CREBRF: variants seen among roughly 807,000 people sequenced by gnomAD.
The protein encoded by CREBRF is UPF0474 protein C5orf41.
In CREBRF, 5 loss-of-function variants were observed where a neutral mutation model predicts 66.1. The observed-to-expected ratio is 0.08, with a 90% CI of 0.04 to 0.16. The LOEUF (loss-of-function observed/expected upper bound fraction) is 0.16, where lower values mean the gene tolerates loss of function less well. CREBRF is among the 10% of genes least tolerant of loss of function. The pLI is 1.00. For missense variants in CREBRF, 531 were observed against 744.9 expected (o/e 0.71, Z 3.34); for synonymous variants, 229 against 264.4 (o/e 0.87, Z 1.30).
chr5:173,116,586 T>TGG, intron 7 of CREBRF, among the ~76,000 whole-genome samples: 1 of 152,374 alleles, frequency 6.6e-6, no homozygotes, highest in African/African-American at 2.4e-5. Context: ...TGCTAACTAG[T>TGG]ATTCCATTGT....
intron 6 of CREBRF, among the ~76,000 whole-genome samples, chr5:173,111,760 C>T (rs940861535): frequency 6.6e-6 from 1 of 152,174 alleles, no homozygotes; most frequent in African/African-American, 2.4e-5. Flanking sequence ...TTCCATTTCT[C>T]TTAGATAAAT....
intron 3 of CREBRF, 42 bp downstream of exon 3, chr5:173,086,668 G>T (rs1280367156): frequency 1.3e-6 from 2 of 1,544,996 alleles, no homozygotes; most frequent in Non-Finnish European, 1.7e-6. Context: ...TTGATTTGGG[G>T]TAAAAGTTTG....
At chr5:173,091,804 G>A (rs1276434225) in intron 4 of CREBRF, 3 of 989,516 alleles carry the variant, frequency 3.0e-6, no homozygotes, top group Non-Finnish European at 3.6e-6. Context: ...CCTGTTTAGG[G>A]CCAGGCGCAG....
intron 7 of CREBRF, among the ~76,000 whole-genome samples, chr5:173,113,340 G>A (rs996665719): frequency 2.1e-5 from 3 of 145,762 alleles, no homozygotes; most frequent in Non-Finnish European, 3.0e-5. Flanking sequence ...ACGGAGTCTC[G>A]CCCTGTTGCC....
chr5:173,095,196 T>A (rs1758447544), intron 4 of CREBRF, among the ~76,000 whole-genome samples: 1 of 143,782 alleles, frequency 7.0e-6, no homozygotes, highest in Admixed American at 7.0e-5. Flanking sequence ...TTTTTTTTTT[T>A]TTTTTTTTTT....
chr5:173,112,452 G>A, intron 7 of CREBRF, 73 bp downstream of exon 7: 1 of 1,118,694 alleles, frequency 8.9e-7, no homozygotes, highest in Non-Finnish European at 1.3e-6. Flanking sequence ...TCTTTGGTTT[G>A]TGATTTGCTT....
chr5:173,086,385 G>C, intron 2 of CREBRF, 116 bp from the exon 3 acceptor site: 1 of 927,916 alleles, frequency 1.1e-6, no homozygotes. Flanking sequence ...AAAAAGTATA[G>C]AAATGTTTTC....
intron 8 of CREBRF, 122 bp downstream of exon 8, chr5:173,123,324 C>CATAAAGGAGAGTAAT: frequency 1.2e-6 from 1 of 849,486 alleles, no homozygotes; most frequent in Non-Finnish European, 1.8e-6. Context: ...TGTAATTACT[C>CATAAAGGAGAGTAAT]TCCTTTATGA....
In CREBRF at chr5:173,134,346, C is replaced by T. The variant is rs1438237667; in HGVS notation, c.*601C>T. The stretch of plus-strand genomic sequence containing the variant: ...AGAAAAAAAAAGCATATTCTTTGTG[C>T]CTTGTATTTTGGGGAAACTCTAAAA... On this transcript the variant is annotated 3_prime_UTR_variant, in exon 9 of 9. Coordinates refer to ENST00000296953, the MANE Select transcript of CREBRF (RefSeq NM_153607.3). The T allele has an allele frequency of 2.8e-5, 8 of 284,946 alleles. No individual in the cohort carries two copies. The highest frequency in any genetic ancestry group is 4.9e-5 in the Non-Finnish European group (7 of 141,784). 17.7% of individuals were successfully genotyped at this position (284,946 alleles called of 1,614,324 possible).
chr5:173,123,337 AG>A, intron 8 of CREBRF, 135 bp downstream of exon 8: 1 of 743,852 alleles, frequency 1.3e-6, no homozygotes, highest in Non-Finnish European at 2.1e-6. Flanking sequence ...CTTTATGAGT[AG>A]TTTTATCTTT....
Position 173,139,027 on chromosome 5 carries a change from A to G in CREBRF, c.*5282A>G, listed in dbSNP as rs1293009666. 7 of 152,088 alleles carry G rather than the reference A, an allele frequency of 4.6e-5. No homozygotes were observed. The highest frequency in any genetic ancestry group is 2.1e-4 in the South Asian group (1 of 4,824). 9.4% of individuals were successfully genotyped at this position (152,088 alleles called of 1,614,324 possible). A position where few individuals can be genotyped will look rare whatever the true frequency, so the allele number is the denominator to read the frequency against. ...TTTTTTTTCTCTCCCAACTGGAGCT[A>G]TGACACTTTTTATTGGATTCAGTCT... On this transcript the variant is annotated 3_prime_UTR_variant, in exon 9 of 9. Transcript: ENST00000296953.
chr5:173,127,025 A>C (rs1759290429), intron 8 of CREBRF, among the ~76,000 whole-genome samples: 1 of 152,282 alleles, frequency 6.6e-6, no homozygotes, highest in Admixed American at 6.5e-5. Flanking sequence ...TTCAATGAGC[A>C]GGGTGATTGC....
intron 2 of CREBRF, chr5:173,085,785 C>A: frequency 2.6e-6 from 2 of 776,908 alleles, no homozygotes; most frequent in South Asian, 2.7e-5. Flanking sequence ...GCCTTCAGGT[C>A]ATGGGTCAGC....
At chr5:173,063,214 A>C (rs565200737) in intron 1 of CREBRF, among the ~76,000 whole-genome samples, 30 of 152,204 alleles carry the variant, frequency 2.0e-4, no homozygotes, top group African/African-American at 6.7e-4. Flanking sequence ...CTCCTTCCTA[A>C]ACAGCTTTCT....
chr5:173,122,456 G>A (rs1386296659), intron 7 of CREBRF, among the ~76,000 whole-genome samples: 1 of 150,860 alleles, frequency 6.6e-6, no homozygotes, highest in African/African-American at 2.4e-5. Flanking sequence ...CAGTTTCTTT[G>A]TATAGGAGCT....
intron 1 of CREBRF, among the ~76,000 whole-genome samples, chr5:173,078,793 G>A (rs1233701420): frequency 1.3e-5 from 2 of 152,076 alleles, no homozygotes; most frequent in South Asian, 2.1e-4. Context: ...CCAAAGTGCT[G>A]GGGTTACAGG....
intron 7 of CREBRF, among the ~76,000 whole-genome samples, chr5:173,114,442 A>G (rs1472508385): frequency 6.6e-6 from 1 of 152,218 alleles, no homozygotes; most frequent in Non-Finnish European, 1.5e-5. Flanking sequence ...AGACTTGAGA[A>G]CATAGGCTTA....
chr5:173,108,655 G>A lies in CREBRF; in HGVS notation c.1254G>A (p.Lys418=), dbSNP rs774242116. ...GYENDSVEDL[K]EVTSISSRKR... is the part of the protein sequence containing the mutation. ...AAAATGATTCTGTAGAAGACCTGAAGGAGGTGACTTCAATATCTTCACGGA... is the reference window on the plus strand; with the variant it reads ...AAAATGATTCTGTAGAAGACCTGAAAGAGGTGACTTCAATATCTTCACGGA... The change falls in exon 5 of 9, where the codon AAG becomes AAA. Residue 418 remains lysine (K), a synonymous_variant. Coordinates refer to ENST00000296953, the MANE Select transcript of CREBRF (RefSeq NM_153607.3). The A allele has an allele frequency of 1.2e-5, 20 of 1,612,848 alleles. No individual in the cohort carries two copies. The South Asian group carries it at 2.2e-4, about 18-fold the overall frequency.
At chr5:173,119,017 C>T (rs1247139747) in intron 7 of CREBRF, among the ~76,000 whole-genome samples, 1 of 152,156 alleles carries the variant, frequency 6.6e-6, no homozygotes, top group East Asian at 1.9e-4. Context: ...TGAGCCATTG[C>T]ACCCAGTCAT....
Sources: gnomAD v4.1 joint callset for allele counts (sites outside exome capture counted in the v4.1 genomes callset) on GRCh38, gnomAD v4.1.1 for gene constraint, MANE v1.5 for transcripts, NCBI Gene and HGNC (gene_info 2026-07-23, HGNC 2026-07-21) for gene names.